BAHCC1: variants seen among roughly 807,000 people sequenced by gnomAD.
BAHCC1 encodes the protein BAH and coiled-coil domain-containing protein 1.
A neutral mutation model predicts 88.2 loss-of-function variants in BAHCC1; 43 were observed. The observed-to-expected ratio is 0.49, with a 90% confidence interval of 0.38 to 0.63. The LOEUF is 0.63. BAHCC1 is among the 20% of genes least tolerant of loss of function. The pLI, the probability that BAHCC1 is intolerant of heterozygous loss-of-function variation, is 0.00. For synonymous variants in BAHCC1, 1,510 were observed against 745.5 expected, an observed-to-expected ratio of 2.03 and a Z score of -16.71; for missense variants, 3,023 against 1,654.8, an observed-to-expected ratio of 1.83 and a Z score of -14.34.
intron 3 of BAHCC1, among the ~76,000 whole-genome samples, chr17:81,433,923 C>T (rs113941175): frequency 3.3e-5 from 5 of 152,350 alleles, no homozygotes; most frequent in African/African-American, 9.6e-5. Flanking sequence ...GGGGGTGTCC[C>T]GTGAAGAGCC....
intron 6 of BAHCC1, 70 bp downstream of exon 6, chr17:81,443,987 C>T (rs956986694): frequency 8.7e-6 from 6 of 689,638 alleles, no homozygotes; most frequent in Non-Finnish European, 1.3e-5. Context: ...CTCAGAGCCA[C>T]GTGGAGAAAG....
intron 2 of BAHCC1, among the ~76,000 whole-genome samples, chr17:81,405,662 ATACT>A (rs1172904509): frequency 6.6e-6 from 1 of 152,230 alleles, no homozygotes; most frequent in Middle Eastern, 3.2e-3. Flanking sequence ...CTGGGAATAA[ATACT>A]TTCCTGGTGG....
chr17:81,450,704 C>A (rs566145122), intron 11 of BAHCC1, among the ~76,000 whole-genome samples: 1 of 152,290 alleles, frequency 6.6e-6, no homozygotes, highest in East Asian at 1.9e-4. Flanking sequence ...ATGGTGGCTG[C>A]TCCTCTGAGA....
intron 2 of BAHCC1, among the ~76,000 whole-genome samples, chr17:81,403,224 T>C (rs549830500): frequency 2.6e-5 from 4 of 152,330 alleles, no homozygotes; most frequent in Non-Finnish European, 5.9e-5. Context: ...GGCCCGCTCC[T>C]GTCCTGGTCT....
chr17:81,407,668 T>C (rs1555647142), intron 2 of BAHCC1, among the ~76,000 whole-genome samples: 1 of 152,208 alleles, frequency 6.6e-6, no homozygotes, highest in African/African-American at 2.4e-5. Flanking sequence ...CCTGGCTCTG[T>C]GGACGTAGAG....
intron 6 of BAHCC1, 79 bp downstream of exon 6, chr17:81,443,996 A>G (rs2064474562): frequency 1.5e-6 from 1 of 685,414 alleles, no homozygotes; most frequent in South Asian, 1.5e-5. Flanking sequence ...ACGTGGAGAA[A>G]GAGGGGTGGT....
intron 2 of BAHCC1, among the ~76,000 whole-genome samples, chr17:81,404,182 T>G (rs1270377022): frequency 6.6e-6 from 1 of 152,008 alleles, no homozygotes; most frequent in Non-Finnish European, 1.5e-5. Context: ...AGGCTAAAAA[T>G]ACCCCTCAGA....
intron 2 of BAHCC1, among the ~76,000 whole-genome samples, chr17:81,408,140 T>C (rs1324494837): frequency 1.3e-5 from 2 of 152,218 alleles, no homozygotes; most frequent in African/African-American, 2.4e-5. Context: ...CCAGCTGAAC[T>C]TGGCCTTGCC....
At position 81,411,607 on chromosome 17, in the gene BAHCC1, G is replaced by A. The variant is rs1410037022; in HGVS notation, c.178+11690G>A. On this transcript the variant is annotated intron_variant, in intron 2 of 27. Coordinates refer to ENST00000675386, the MANE Select transcript of BAHCC1 (RefSeq NM_001377448.1). This position sits in a 1 kb window ranked among gnomAD's most constrained non-coding sequence, Gnocchi z 6.2. The stretch of plus-strand genomic sequence containing the variant: ...CTCTCTACCCAGCACCCACGAAGAC[G>A]GGTGAGCTGCTGGCCACCCGAAGAG... 3 of 437,552 alleles carry A rather than the reference G, an allele frequency of 6.9e-6. No homozygotes were observed. The highest frequency in any genetic ancestry group is 2.5e-5 in the Admixed American group (1 of 39,448). The allele number at this position is 437,552 out of a possible 1,614,324, so 27.1% of individuals were successfully genotyped here.
intron 2 of BAHCC1, chr17:81,406,906 C>A: frequency 2.2e-6 from 1 of 456,298 alleles, no homozygotes; most frequent in Non-Finnish European, 4.4e-6. Flanking sequence ...GCTGTCCACA[C>A]GATTAGGTTC....
chr17:81,413,219 C>G (rs2143283376), intron 2 of BAHCC1: 3 of 290,464 alleles, frequency 1.0e-5, no homozygotes, highest in East Asian at 1.5e-4. Context: ...ACCATGCCCC[C>G]CCCGGGCGCT....
At chr17:81,403,474 C>T (rs1433685213) in intron 2 of BAHCC1, among the ~76,000 whole-genome samples, 2 of 79,288 alleles carry the variant, frequency 2.5e-5, no homozygotes, top group African/African-American at 8.4e-5. Context: ...CTTCCTACCG[C>T]CAATCTCAAA....
At chr17:81,405,556 C>A (rs1801632293) in intron 2 of BAHCC1, among the ~76,000 whole-genome samples, 1 of 152,172 alleles carries the variant, frequency 6.6e-6, no homozygotes, top group African/African-American at 2.4e-5. Context: ...CTATATTTCC[C>A]AGAATACCCT....
rs368916431 is a variant in BAHCC1 at position 81,459,182 on chromosome 17, A to G, written c.5720+14A>G. 3.9e-5 allele frequency: 30 copies of G among 768,624 alleles called. No individual in the cohort carries two copies. In the African/African-American group the frequency reaches 4.1e-4, roughly 10 times the overall value. The allele number at this position is 768,624 out of a possible 1,614,324, so 47.6% of individuals were successfully genotyped here. On this transcript the variant is annotated intron_variant, in intron 21 of 27. Transcript: ENST00000675386. ...GCCACCCGACATGTGAGGCCTGGGCATGGTGGGGCAGGGCAGGGGCCTGGA... is the reference window on the plus strand; with the variant it reads ...GCCACCCGACATGTGAGGCCTGGGCGTGGTGGGGCAGGGCAGGGGCCTGGA...
chr17:81,411,626 CGAAGAGGGTGTGGGGTG>C lies in BAHCC1; in HGVS notation c.178+11711_178+11727del. 1 of 422,610 alleles carries C rather than the reference CGAAGAGGGTGTGGGGTG, an allele frequency of 2.4e-6. No homozygotes were observed. The highest frequency in any genetic ancestry group is 4.7e-6 in the Non-Finnish European group (1 of 211,806). The allele number at this position is 422,610 out of a possible 1,614,324, so 26.2% of individuals were successfully genotyped here. A position where few individuals can be genotyped will look rare whatever the true frequency, so the allele number is the denominator to read the frequency against. ...GAAGACGGGTGAGCTGCTGGCCACC[CGAAGAGGGTGTGGGGTG>C]GTCAGGTTTGGGGCATTCCAGACCT... On this transcript the variant is annotated intron_variant, in intron 2 of 27. Coordinates refer to ENST00000675386, the MANE Select transcript of BAHCC1 (RefSeq NM_001377448.1). The surrounding 1 kb of genome is among the most constrained non-coding windows in gnomAD (Gnocchi z 6.2).
chr17:81,429,328 T>C (rs1401329088), intron 3 of BAHCC1, among the ~76,000 whole-genome samples: 1 of 152,210 alleles, frequency 6.6e-6, no homozygotes, highest in African/African-American at 2.4e-5. Flanking sequence ...GTGCTCCAGC[T>C]TGCTGTCCCC....
intron 2 of BAHCC1, among the ~76,000 whole-genome samples, chr17:81,413,416 C>A (rs1555648159): frequency 6.6e-6 from 1 of 152,156 alleles, no homozygotes. Context: ...TGGCCCTGTT[C>A]GTCCCTCACC....
chr17:81,456,531 C>T lies in BAHCC1; in HGVS notation c.4804C>T (p.Arg1602Trp), dbSNP rs537761737. ...RHPQPKGHGS[R>W]ETPRCPAQPS... is the part of the protein sequence containing the mutation. ...CCCACAGCCCAAGGGCCACGGCAGCCGGGAGACACCCAGGTGCCCAGCCCA... is the reference window on the plus strand; with the variant it reads ...CCCACAGCCCAAGGGCCACGGCAGCTGGGAGACACCCAGGTGCCCAGCCCA... Residue 1602 changes from arginine (R) to tryptophan (W), a missense_variant, in exon 16 of 28, where the codon CGG becomes TGG. Physicochemically the swap from Arg to Trp is moderately radical, Grantham distance 101 (BLOSUM62 -3). Coordinates refer to ENST00000675386, the MANE Select transcript of BAHCC1 (RefSeq NM_001377448.1). 3.4e-5 allele frequency: 24 copies of T among 715,198 alleles called. 1 individual carries two copies. The highest frequency in any genetic ancestry group is 2.3e-4 in the Middle Eastern group (1 of 4,286). The allele number at this position is 715,198 out of a possible 1,614,324, so 44.3% of individuals were successfully genotyped here.
intron 3 of BAHCC1, among the ~76,000 whole-genome samples, chr17:81,427,696 C>CA (rs2064216291): frequency 6.6e-6 from 1 of 152,234 alleles, no homozygotes; most frequent in African/African-American, 2.4e-5. Context: ...TCGGCCACCC[C>CA]AACCCTACAG....
Sources: gnomAD v4.1 joint callset for allele counts (sites outside exome capture counted in the v4.1 genomes callset) on GRCh38, gnomAD v4.1.1 for gene constraint, Gnocchi (gnomAD v3.1) non-coding constraint, MANE v1.5 for transcripts, NCBI Gene and HGNC (gene_info 2026-07-23, HGNC 2026-07-21) for gene names.